The following KDM3B variants were observed in gnomAD, a reference collection of about 807,000 sequenced individuals.
KDM3B encodes the protein lysine demethylase 3B, also known as lysine-specific demethylase 3B.
Under a neutral mutation model 170.0 loss-of-function variants are expected in KDM3B, and 10 were observed. The observed-to-expected ratio is 0.06, with a 90% CI of 0.04 to 0.10. The LOEUF is 0.10. Ranked by LOEUF, KDM3B falls within the 10% of genes least tolerant of loss-of-function variation. KDM3B has a pLI of 1.00. For synonymous variants in KDM3B, 831 were observed against 834.8 expected (o/e 1.00, Z 0.08); for missense variants, 1,394 against 2,195.2 (o/e 0.64, Z 7.29).
intron 9 of KDM3B, among the ~76,000 whole-genome samples, chr5:138,397,353 A>G (rs1432335516): frequency 6.6e-6 from 1 of 151,576 alleles, no homozygotes; most frequent in Non-Finnish European, 1.5e-5. Context: ...ACTAAAAAAT[A>G]AAAAATTATT....
chr5:138,423,562 T>G (rs923844307), intron 15 of KDM3B, among the ~76,000 whole-genome samples: 16 of 152,172 alleles, frequency 1.1e-4, no homozygotes, highest in Non-Finnish European at 2.2e-4. Context: ...GGAGACTGCT[T>G]TCAGAATGTA....
chr5:138,430,272 G>A lies in KDM3B; in HGVS notation c.4917G>A (p.Glu1639=). ...LRKVGEEQGQ[E]NPPDHDPIHD... ...AGGTTGGAGAAGAACAAGGCCAAGA[G>A]AACCCCCCTGATCATGACCCAATTC... Residue 1639 remains glutamate (E), a synonymous_variant, in exon 22 of 24, where the codon GAG becomes GAA. Transcript: ENST00000314358. 6.2e-7 allele frequency: 1 copy of A among 1,613,816 alleles called. No individual in the cohort carries two copies. The highest frequency in any genetic ancestry group is 8.5e-7 in the Non-Finnish European group (1 of 1,179,918).
intron 1 of KDM3B, among the ~76,000 whole-genome samples, chr5:138,365,414 C>T (rs989873339): frequency 1.3e-5 from 2 of 152,130 alleles, no homozygotes; most frequent in South Asian, 2.1e-4. Context: ...CCTGCCACCA[C>T]GCCTGGCTAA....
chr5:138,377,924 T>C, intron 4 of KDM3B, 99 bp downstream of exon 4: 1 of 645,722 alleles, frequency 1.5e-6, no homozygotes, highest in Non-Finnish European at 2.5e-6. Context: ...ACATTTGTAC[T>C]TATCTCCTTT....
intron 11 of KDM3B, among the ~76,000 whole-genome samples, chr5:138,411,142 A>G (rs892882697): frequency 1.3e-5 from 2 of 152,184 alleles, no homozygotes; most frequent in Non-Finnish European, 2.9e-5. Context: ...CGCTACTGCT[A>G]GACCACGGTC....
chr5:138,406,066 G>A (rs1762810576), intron 11 of KDM3B, among the ~76,000 whole-genome samples: 1 of 152,220 alleles, frequency 6.6e-6, no homozygotes, highest in African/African-American at 2.4e-5. Flanking sequence ...AATGGGACTG[G>A]CTAGGTTTGG....
At chr5:138,371,809 ATTAATTTTAAT>A (rs1761881674) in intron 1 of KDM3B, among the ~76,000 whole-genome samples, 1 of 152,138 alleles carries the variant, frequency 6.6e-6, no homozygotes, top group Non-Finnish European at 1.5e-5. Flanking sequence ...TACCGAAATA[ATTAATTTTAAT>A]TTAATTTTAA....
At chr5:138,368,662 T>C (rs1203335853) in intron 1 of KDM3B, among the ~76,000 whole-genome samples, 2 of 152,338 alleles carry the variant, frequency 1.3e-5, no homozygotes, top group African/African-American at 2.4e-5. Flanking sequence ...CATATATCCA[T>C]AGTCCATATT....
At chr5:138,405,801 A>G (rs996715902) in intron 11 of KDM3B, among the ~76,000 whole-genome samples, 2 of 152,222 alleles carry the variant, frequency 1.3e-5, no homozygotes, top group Non-Finnish European at 2.9e-5. Context: ...TGTAAAATTC[A>G]AATATATAAT....
intron 10 of KDM3B, 110 bp from the exon 11 acceptor site, chr5:138,399,750 C>A: frequency 2.2e-6 from 2 of 904,102 alleles, no homozygotes; most frequent in Non-Finnish European, 3.3e-6. Context: ...CTTTATGAAT[C>A]TTTGAGTTTT....
intron 1 of KDM3B, among the ~76,000 whole-genome samples, chr5:138,357,626 T>C (rs1761484834): frequency 1.3e-5 from 2 of 151,808 alleles, no homozygotes; most frequent in Admixed American, 6.6e-5. Flanking sequence ...TCCCAAAGTG[T>C]TGGGATTACA....
chr5:138,431,210 G>A (rs182405160), intron 22 of KDM3B, among the ~76,000 whole-genome samples: 1 of 151,668 alleles, frequency 6.6e-6, no homozygotes, highest in Non-Finnish European at 1.5e-5. Flanking sequence ...AACCTGCCTC[G>A]GCCTCCCAAA....
chr5:138,399,327 C>T (rs900666358), intron 10 of KDM3B, among the ~76,000 whole-genome samples: 1 of 151,792 alleles, frequency 6.6e-6, no homozygotes, highest in Non-Finnish European at 1.5e-5. Flanking sequence ...ATCACGAGGT[C>T]AGGAGTTCAA....
rs957358605 is a variant in KDM3B at position 138,420,862 on chromosome 5, C to G, written c.3872C>G (p.Ser1291Cys). The G allele has an allele frequency of 1.9e-6, 3 of 1,614,038 alleles. No individual in the cohort carries two copies. The highest frequency in any genetic ancestry group is 1.7e-5 in the Admixed American group (1 of 60,000). The change falls in exon 15 of 24, where the codon TCT becomes TGT. Residue 1291 changes from serine (S) to cysteine (C), a missense_variant. Physicochemically the swap from Ser to Cys is moderately radical, Grantham distance 112 (BLOSUM62 -1). Transcript: ENST00000314358. The part of the protein sequence containing the change: ...PTASNNKTEG[S>C]SLRDLLHSGP... ...GCCTCCAACAACAAAACCGAAGGGTCTAGCCTTCGAGACCTCCTTCACTCC... is the reference window on the plus strand; with the variant it reads ...GCCTCCAACAACAAAACCGAAGGGTGTAGCCTTCGAGACCTCCTTCACTCC...
intron 9 of KDM3B, among the ~76,000 whole-genome samples, chr5:138,395,833 G>C (rs1762532757): frequency 6.6e-6 from 1 of 152,012 alleles, no homozygotes; most frequent in African/African-American, 2.4e-5. Context: ...GGCCAGGCTG[G>C]TCTTGAACTC....
At position 138,386,423 on chromosome 5, in the gene KDM3B, G is replaced by T. The variant is rs775444607; in HGVS notation, c.1182G>T (p.Leu394Phe). The T allele has an allele frequency of 1.2e-6, 2 of 1,614,180 alleles. No homozygotes were observed. Among genetic ancestry groups the T allele is most frequent in the Non-Finnish European group, 1.7e-6 (2 of 1,180,038 alleles). Reference protein sequence around the residue: ...PYSTATGQTPLAPEVGGAENK... With the variant: ...PYSTATGQTPFAPEVGGAENK... Reference sequence around the variant, plus strand: ...CTACAGCCACAGGTCAGACACCTTTGGCCCCAGAGGTGGGTGGAGCCGAAA... The same window carrying T: ...CTACAGCCACAGGTCAGACACCTTTTGCCCCAGAGGTGGGTGGAGCCGAAA... The change falls in exon 7 of 24, where the codon TTG becomes TTT. Residue 394 changes from leucine to phenylalanine, a missense_variant. This residue lies in a region of KDM3B where 205 missense variants were observed against 227.6 expected (regional missense o/e 0.90). Transcript: ENST00000314358.
intron 12 of KDM3B, 107 bp from the exon 13 acceptor site, chr5:138,417,376 G>T: frequency 9.0e-7 from 1 of 1,111,826 alleles, no homozygotes; most frequent in South Asian, 1.6e-5. Flanking sequence ...CTACGTTATT[G>T]AAATGTGGTA....
At chr5:138,396,623 GGT>G (rs1437957541) in intron 9 of KDM3B, among the ~76,000 whole-genome samples, 1 of 152,136 alleles carries the variant, frequency 6.6e-6, no homozygotes, top group Non-Finnish European at 1.5e-5. Flanking sequence ...GGCCTTTGCT[GGT>G]TCAGAGCAGC....
intron 5 of KDM3B, among the ~76,000 whole-genome samples, chr5:138,380,336 A>G (rs1561766082): frequency 6.9e-6 from 1 of 145,974 alleles, no homozygotes; most frequent in South Asian, 2.1e-4. Flanking sequence ...GAGTTATATG[A>G]TATATAATTT....
Sources: gnomAD v4.1 joint callset for allele counts (sites outside exome capture counted in the v4.1 genomes callset) on GRCh38, gnomAD v4.1.1 for gene constraint, gnomAD v4.1.1 regional missense constraint, MANE v1.5 for transcripts, NCBI Gene and HGNC (gene_info 2026-07-23, HGNC 2026-07-21) for gene names.